Variants in RANBP17 observed in about 807,000 individuals in gnomAD.
RANBP17 encodes ran-binding protein 17.
A neutral mutation model predicts 141.2 loss-of-function variants in RANBP17; 158 were observed. The ratio of observed to expected loss-of-function variants is 1.12; its 90% CI spans 0.98 to 1.28. The LOEUF is 1.28. Ranked by LOEUF, RANBP17 falls within the 50% of genes most tolerant of loss-of-function variation. The probability of loss-of-function intolerance (pLI) is 0.00; values close to 1 mark genes in which losing one functional copy is unlikely to be tolerated. For missense variants in RANBP17, 1,438 were observed against 1,290.7 expected (o/e 1.11, Z -1.75); for synonymous variants, 430 against 450.0 (o/e 0.96, Z 0.56).
rs1274083536 is a variant in RANBP17 at position 171,241,049 on chromosome 5, T to A, written c.2544T>A (p.Phe848Leu). ...CCTTGTGTGGAAATTATGTCAGCTT[T>A]GGCGTCTTCAAGTTGTATGGGGACA... ...KSALCGNYVS[F>L]GVFKLYGDNH... is the part of the protein sequence containing the mutation. The change falls in exon 23 of 28, where the codon TTT becomes TTA. Residue 848 changes from phenylalanine (F) to leucine (L), a missense_variant. Phe to Leu is a conservative substitution (Grantham distance 22). Coordinates refer to ENST00000523189, the MANE Select transcript of RANBP17 (RefSeq NM_022897.5). The A allele has an allele frequency of 6.2e-7, 1 of 1,614,020 alleles. No homozygotes were observed. Among genetic ancestry groups the A allele is most frequent in the Non-Finnish European group, 8.5e-7 (1 of 1,179,928 alleles).
chr5:170,998,271 T>C (rs2127573731), intron 14 of RANBP17, among the ~76,000 whole-genome samples: 1 of 152,054 alleles, frequency 6.6e-6, no homozygotes, highest in Non-Finnish European at 1.5e-5. Context: ...TTTTTGAATA[T>C]AGCATTTTGA....
chr5:170,986,608 A>G (rs370508982), intron 14 of RANBP17, among the ~76,000 whole-genome samples: 2 of 152,060 alleles, frequency 1.3e-5, no homozygotes, highest in Admixed American at 6.6e-5. Flanking sequence ...TTGCAAATCT[A>G]GAAATTTTTT....
chr5:171,010,457 CATT>C (rs748248942), intron 14 of RANBP17, among the ~76,000 whole-genome samples: 8 of 152,036 alleles, frequency 5.3e-5, no homozygotes, highest in Non-Finnish European at 8.8e-5. Context: ...GAATAAAATT[CATT>C]ATTTTCTGGA....
intron 2 of RANBP17, among the ~76,000 whole-genome samples, chr5:170,879,949 C>G (rs1005402542): frequency 2.0e-5 from 3 of 152,138 alleles, no homozygotes; most frequent in African/African-American, 7.2e-5. Flanking sequence ...CATATATTTA[C>G]CACACAGTAT....
Position 170,862,152 on chromosome 5 carries a change from G to A in RANBP17, c.18+101G>A, listed in dbSNP as rs77085587. 7,621 of 1,228,274 alleles carry A rather than the reference G, an allele frequency of 6.2e-3. 361 individuals carry two copies. The African/African-American group carries it at 0.1, about 16-fold the overall frequency. The allele number at this position is 1,228,274 out of a possible 1,614,324, so 76.1% of individuals were successfully genotyped here. ...CCGAGGACAGCGGCGGAGGCCGCAG[G>A]GCCGTGGGCCGGTGTCCCCGGAGTC... On this transcript the variant is annotated intron_variant, in intron 1 of 27. Transcript: ENST00000523189.
intron 14 of RANBP17, among the ~76,000 whole-genome samples, chr5:171,111,227 AGCATATTC>A (rs1755207273): frequency 6.6e-6 from 1 of 152,196 alleles, no homozygotes; most frequent in South Asian, 2.1e-4. Flanking sequence ...ATTTTGGAGT[AGCATATTC>A]TGCTACTCAT....
intron 14 of RANBP17, among the ~76,000 whole-genome samples, chr5:171,069,225 C>G (rs971691158): frequency 5.3e-5 from 8 of 152,178 alleles, no homozygotes; most frequent in African/African-American, 1.9e-4. Context: ...TTCAAATATA[C>G]AACTCTGATT....
chr5:170,989,108 T>C (rs574506592), intron 14 of RANBP17, among the ~76,000 whole-genome samples: 1 of 151,980 alleles, frequency 6.6e-6, no homozygotes, highest in African/African-American at 2.4e-5. Flanking sequence ...GTAATGGTGG[T>C]GCTAAAATTA....
At chr5:170,873,384 C>A (rs1473470786) in intron 1 of RANBP17, among the ~76,000 whole-genome samples, 1 of 152,216 alleles carries the variant, frequency 6.6e-6, no homozygotes, top group East Asian at 1.9e-4. Context: ...GGAGGAGTCC[C>A]TCCTTTTCAG....
chr5:170,882,003 TA>T, intron 3 of RANBP17, 107 bp downstream of exon 3: 1 of 634,160 alleles, frequency 1.6e-6, no homozygotes. Flanking sequence ...CTGTCATTTT[TA>T]AAAACATGAG....
At chr5:171,186,908 A>G (rs974536064) in intron 18 of RANBP17, among the ~76,000 whole-genome samples, 8 of 151,678 alleles carry the variant, frequency 5.3e-5, no homozygotes, top group African/African-American at 1.9e-4. Flanking sequence ...AATCGCTTTA[A>G]TTTTCTTCAA....
At chr5:171,063,094 C>T (rs1784019939) in intron 14 of RANBP17, among the ~76,000 whole-genome samples, 2 of 152,036 alleles carry the variant, frequency 1.3e-5, no homozygotes, top group South Asian at 4.1e-4. Flanking sequence ...ACTTCTTTGC[C>T]TTTGGTTTGA....
At chr5:170,868,206 CATT>C (rs1222293549) in intron 1 of RANBP17, among the ~76,000 whole-genome samples, 4 of 152,116 alleles carry the variant, frequency 2.6e-5, no homozygotes, top group Non-Finnish European at 4.4e-5. Flanking sequence ...AAGTTTACAT[CATT>C]GTCTCCTAGG....
intron 13 of RANBP17, among the ~76,000 whole-genome samples, chr5:170,960,463 T>G (rs1776050166): frequency 2.0e-5 from 3 of 152,230 alleles, no homozygotes; most frequent in African/African-American, 7.2e-5. Context: ...ACATGTCTCT[T>G]CATCATACAC....
chr5:171,218,177 A>G (rs1199524836), intron 21 of RANBP17, among the ~76,000 whole-genome samples: 2 of 152,188 alleles, frequency 1.3e-5, no homozygotes, highest in African/African-American at 4.8e-5. Flanking sequence ...CAGGTTGTTC[A>G]GTTTCCATGT....
At chr5:170,925,264 T>A (rs1417045286) in intron 12 of RANBP17, among the ~76,000 whole-genome samples, 13 of 152,154 alleles carry the variant, frequency 8.5e-5, no homozygotes, top group Non-Finnish European at 1.2e-4. Context: ...AAAAAATTTT[T>A]AGAAGATTAT....
At chr5:171,046,860 A>T (rs940692052) in intron 14 of RANBP17, among the ~76,000 whole-genome samples, 32 of 152,302 alleles carry the variant, frequency 2.1e-4, no homozygotes, top group African/African-American at 7.7e-4. Context: ...TTCATTAAAT[A>T]TTAGGACATT....
At chr5:170,901,289 T>C (rs1770615659) in intron 5 of RANBP17, among the ~76,000 whole-genome samples, 1 of 152,230 alleles carries the variant, frequency 6.6e-6, no homozygotes, top group African/African-American at 2.4e-5. Flanking sequence ...CCTTCGATCT[T>C]TGTTGGTTTA....
chr5:171,258,003 G>A (rs897171743), intron 24 of RANBP17, among the ~76,000 whole-genome samples: 7 of 151,958 alleles, frequency 4.6e-5, no homozygotes, highest in Non-Finnish European at 8.8e-5. Context: ...CTACTCAGGA[G>A]GCTGAGGCAG....
Sources: allele counts gnomAD v4.1 joint callset (sites outside exome capture counted in the v4.1 genomes callset), GRCh38; gene constraint gnomAD v4.1.1; transcripts MANE v1.5; gene names NCBI Gene and HGNC (gene_info 2026-07-23, HGNC 2026-07-21).